AUTS2: variants seen among roughly 807,000 people sequenced by gnomAD.
AUTS2 encodes the protein autism susceptibility gene 2 protein.
AUTS2 carries 17 observed loss-of-function variants against 112.4 expected under a neutral mutation model. The ratio of observed to expected loss-of-function variants is 0.15; its 90% confidence interval spans 0.10 to 0.23. The LOEUF is 0.23. Ranked by LOEUF, AUTS2 falls within the 10% of genes least tolerant of loss-of-function variation. AUTS2 has a pLI of 1.00. For synonymous variants in AUTS2, 751 were observed against 702.7 expected (o/e 1.07, Z -1.09); for missense variants, 1,510 against 1,701.6 (o/e 0.89, Z 1.98).
intron 4 of AUTS2, among the ~76,000 whole-genome samples, chr7:70,172,214 A>G (rs1271344186): frequency 6.6e-6 from 1 of 152,084 alleles, no homozygotes; most frequent in Non-Finnish European, 1.5e-5. Flanking sequence ...GTTCCCCAGC[A>G]TTTACAGGAT....
At chr7:70,637,048 A>G (rs1335499782) in intron 5 of AUTS2, among the ~76,000 whole-genome samples, 1 of 152,154 alleles carries the variant, frequency 6.6e-6, no homozygotes, top group African/African-American at 2.4e-5. Context: ...GTGTTATGTC[A>G]GGTAGGTTGT....
chr7:70,185,816 T>C (rs1358237730), intron 4 of AUTS2, among the ~76,000 whole-genome samples: 1 of 152,216 alleles, frequency 6.6e-6, no homozygotes, highest in African/African-American at 2.4e-5. Context: ...TCTTGGAATA[T>C]GTTGTCACTA....
rs11356506 is a variant in AUTS2, at chr7:70,792,642, T to TA, written c.*1654dup. On this transcript the variant is annotated 3_prime_UTR_variant, in exon 19 of 19. Transcript: ENST00000342771. ...TTTTTTTTTTTTTTAAGACAACAAC[T>TA]AAAAAAAATGCAAGGAATATGTACA... 6.7e-6 allele frequency: 1 copy of TA among 149,740 alleles called. No homozygotes were observed. 9.3% of individuals were successfully genotyped at this position (149,740 alleles called of 1,614,324 possible). A position where few individuals can be genotyped will look rare whatever the true frequency, so the allele number is the denominator to read the frequency against.
At chr7:70,367,262 C>CA (rs1439575841) in intron 4 of AUTS2, among the ~76,000 whole-genome samples, 3 of 151,816 alleles carry the variant, frequency 2.0e-5, no homozygotes, top group East Asian at 1.9e-4. Context: ...GAGTCTGTCT[C>CA]AAAAAACAAA....
chr7:70,596,750 C>G (rs1326422450), intron 5 of AUTS2: 1 of 152,264 alleles, frequency 6.6e-6, no homozygotes, highest in African/African-American at 2.4e-5. Flanking sequence ...TTAAAACCCC[C>G]GAGCCTGGAG....
chr7:69,855,522 A>G (rs1374567483), intron 1 of AUTS2, among the ~76,000 whole-genome samples: 1 of 152,216 alleles, frequency 6.6e-6, no homozygotes, highest in African/African-American at 2.4e-5. Context: ...ATTTCATTAT[A>G]GTCTCATACT....
chr7:69,621,622 C>T (rs181930278), intron 1 of AUTS2, among the ~76,000 whole-genome samples: 29 of 152,236 alleles, frequency 1.9e-4, no homozygotes, highest in African/African-American at 6.3e-4. Context: ...TTTAAACTAA[C>T]TGAACTAAAA....
At chr7:70,123,891 G>T (rs147267785) in intron 3 of AUTS2, among the ~76,000 whole-genome samples, 12 of 152,122 alleles carry the variant, frequency 7.9e-5, no homozygotes, top group Non-Finnish European at 1.5e-4. Context: ...GGGTCAAATG[G>T]TAGTTATGCT....
intron 2 of AUTS2, among the ~76,000 whole-genome samples, chr7:70,049,633 T>C (rs898369978): frequency 1.3e-5 from 2 of 152,036 alleles, no homozygotes; most frequent in African/African-American, 4.8e-5. Context: ...CTTGGAAAAG[T>C]CTTAACAATT....
chr7:70,024,254 C>G (rs1047587330), intron 2 of AUTS2, among the ~76,000 whole-genome samples: 2 of 152,188 alleles, frequency 1.3e-5, no homozygotes, highest in Non-Finnish European at 2.9e-5. Context: ...TGTCCTAATG[C>G]AATTTTGATG....
At chr7:69,905,702 G>A (rs1248352602) in intron 2 of AUTS2, among the ~76,000 whole-genome samples, 3 of 152,112 alleles carry the variant, frequency 2.0e-5, no homozygotes, top group Admixed American at 6.5e-5. Flanking sequence ...ATCTCCTCTG[G>A]AAACACCCTC....
intron 1 of AUTS2, among the ~76,000 whole-genome samples, chr7:69,669,524 A>G (rs1458259727): frequency 6.6e-6 from 1 of 151,948 alleles, no homozygotes; most frequent in African/African-American, 2.4e-5. Context: ...ATTCTCTAAC[A>G]TTTGCTTGTT....
At chr7:70,566,127 A>C (rs1284274953) in intron 5 of AUTS2, among the ~76,000 whole-genome samples, 1 of 152,188 alleles carries the variant, frequency 6.6e-6, no homozygotes, top group Non-Finnish European at 1.5e-5. Context: ...AGAAACCAAG[A>C]AACCTCCAAA....
At chr7:69,965,131 G>T (rs186514557) in intron 2 of AUTS2, among the ~76,000 whole-genome samples, 101 of 152,116 alleles carry the variant, frequency 6.6e-4, no homozygotes, top group Non-Finnish European at 8.5e-4. Context: ...TTTCAGTGTT[G>T]CCCATCAGTG....
chr7:70,338,213 G>C (rs1242456847), intron 4 of AUTS2, among the ~76,000 whole-genome samples: 3 of 152,160 alleles, frequency 2.0e-5, no homozygotes, highest in Non-Finnish European at 4.4e-5. Context: ...GTGGAAAGAA[G>C]TAATTTCAAT....
intron 1 of AUTS2, among the ~76,000 whole-genome samples, chr7:69,769,683 A>C (rs1450903705): frequency 2.6e-5 from 4 of 152,206 alleles, no homozygotes; most frequent in African/African-American, 4.8e-5. Flanking sequence ...GTGGGTGAAC[A>C]GGGCGATGTA....
At chr7:70,788,765 CTG>C (rs1489865868) in intron 18 of AUTS2, among the ~76,000 whole-genome samples, 2 of 152,232 alleles carry the variant, frequency 1.3e-5, no homozygotes, top group Non-Finnish European at 2.9e-5. Flanking sequence ...CCTGAATACT[CTG>C]TGGTCCTCTG....
At chr7:70,424,334 C>T (rs1015371137) in intron 4 of AUTS2, among the ~76,000 whole-genome samples, 2 of 152,134 alleles carry the variant, frequency 1.3e-5, no homozygotes, top group African/African-American at 2.4e-5. Context: ...CAGCTTGCCT[C>T]TGTACTTTGC....
chr7:70,460,493 G>A (rs896972251), intron 5 of AUTS2, among the ~76,000 whole-genome samples: 1 of 151,988 alleles, frequency 6.6e-6, no homozygotes, highest in Non-Finnish European at 1.5e-5. Context: ...TGGGATTACA[G>A]GCATGTGCCA....
Sources: gnomAD v4.1 joint callset for allele counts (sites outside exome capture counted in the v4.1 genomes callset) on GRCh38, gnomAD v4.1.1 for gene constraint, MANE v1.5 for transcripts, NCBI Gene and HGNC (gene_info 2026-07-23, HGNC 2026-07-21) for gene names.